LRCH1: variants seen among roughly 807,000 people sequenced by gnomAD.
LRCH1 encodes leucine-rich repeat and calponin homology domain-containing protein 1.
In LRCH1, 23 loss-of-function variants were observed where a neutral mutation model predicts 94.9. The ratio of observed to expected loss-of-function variants is 0.24; its 90% CI spans 0.17 to 0.34. The LOEUF is 0.34. Among genes scored for constraint, LRCH1 ranks in the 10% least tolerant of loss-of-function variants. The probability of loss-of-function intolerance (pLI) is 1.00; values close to 1 mark genes in which losing one functional copy is unlikely to be tolerated. For synonymous variants in LRCH1, 364 were observed against 354.9 expected, an observed-to-expected ratio of 1.03 and a Z score of -0.29; for missense variants, 790 against 945.9, an observed-to-expected ratio of 0.84 and a Z score of 2.16.
At chr13:46,651,390 G>A (rs1224656474) in intron 2 of LRCH1, among the ~76,000 whole-genome samples, 10 of 152,202 alleles carry the variant, frequency 6.6e-5, no homozygotes, top group Admixed American at 4.6e-4. Flanking sequence ...CTGGCCGGGT[G>A]TGGTGGCTCA....
downstream of LRCH1, among the ~76,000 whole-genome samples, chr13:46,745,921 T>C (rs1289026180): frequency 6.6e-6 from 1 of 152,170 alleles, no homozygotes; most frequent in Non-Finnish European, 1.5e-5. Context: ...CAAGATGAGC[T>C]GAGTGGCAGA....
chr13:46,696,502 G>A (rs1335250399), intron 9 of LRCH1, among the ~76,000 whole-genome samples: 2 of 152,134 alleles, frequency 1.3e-5, no homozygotes, highest in Non-Finnish European at 2.9e-5. Context: ...AGAATAAAGC[G>A]TATTGTTTCA....
At chr13:46,587,727 G>A (rs997998321) in intron 1 of LRCH1, among the ~76,000 whole-genome samples, 2 of 152,148 alleles carry the variant, frequency 1.3e-5, no homozygotes, top group Non-Finnish European at 2.9e-5. Context: ...CCCTGGTCTG[G>A]TTTTGTTGGT....
At chr13:46,680,775 G>A (rs1010624157) in intron 3 of LRCH1, among the ~76,000 whole-genome samples, 3 of 152,190 alleles carry the variant, frequency 2.0e-5, no homozygotes, top group Non-Finnish European at 4.4e-5. Flanking sequence ...TAGTTGTTGA[G>A]GAGCCTCTGC....
intron 9 of LRCH1, among the ~76,000 whole-genome samples, chr13:46,696,186 G>A (rs1871170229): frequency 7.0e-6 from 1 of 142,834 alleles, no homozygotes; most frequent in Non-Finnish European, 1.5e-5. Context: ...GTGCATGCAT[G>A]CATGTGTGTA....
chr13:46,739,644 T>C (rs1411893073), intron 19 of LRCH1, among the ~76,000 whole-genome samples: 1 of 152,118 alleles, frequency 6.6e-6, no homozygotes, highest in Non-Finnish European at 1.5e-5. Context: ...CAGAGAGCAG[T>C]TCTCAGATGG....
chr13:46,711,882 C>A, intron 14 of LRCH1, 38 bp downstream of exon 14: 7 of 1,457,688 alleles, frequency 4.8e-6, no homozygotes, highest in Non-Finnish European at 6.7e-6. Context: ...TGAGGTGTTT[C>A]TTGATGGCTG....
chr13:46,663,028 G>A (rs1170497113), intron 2 of LRCH1, among the ~76,000 whole-genome samples: 1 of 152,178 alleles, frequency 6.6e-6, no homozygotes, highest in Non-Finnish European at 1.5e-5. Flanking sequence ...CAATTCAAAT[G>A]ATGATTCTGT....
chr13:46,717,246 C>T (rs1872367666), intron 16 of LRCH1, among the ~76,000 whole-genome samples: 2 of 152,136 alleles, frequency 1.3e-5, no homozygotes, highest in Admixed American at 1.3e-4. Context: ...TACATTCAGG[C>T]TGCTTTCATT....
chr13:46,682,820 T>C (rs1188754692), intron 4 of LRCH1, among the ~76,000 whole-genome samples: 3 of 152,214 alleles, frequency 2.0e-5, no homozygotes, highest in Non-Finnish European at 2.9e-5. Context: ...TGGGCTTCCA[T>C]AGCATGTCTG....
At chr13:46,622,468 C>A (rs1182031904) in intron 1 of LRCH1, among the ~76,000 whole-genome samples, 1 of 152,132 alleles carries the variant, frequency 6.6e-6, no homozygotes, top group Non-Finnish European at 1.5e-5. Context: ...CAGTGCAAAT[C>A]CTGACACTGT....
At chr13:46,690,893 G>A (rs923420076) in intron 7 of LRCH1, among the ~76,000 whole-genome samples, 6 of 152,174 alleles carry the variant, frequency 3.9e-5, no homozygotes, top group African/African-American at 1.4e-4. Context: ...ACATTGTGGG[G>A]TTCAGGGATC....
At chr13:46,629,325 C>G (rs2050990964) in intron 1 of LRCH1, among the ~76,000 whole-genome samples, 1 of 152,144 alleles carries the variant, frequency 6.6e-6, no homozygotes, top group African/African-American at 2.4e-5. Flanking sequence ...TTTTAAATCT[C>G]ACCTGTTATT....
intron 11 of LRCH1, among the ~76,000 whole-genome samples, chr13:46,704,688 A>G (rs931994515): frequency 3.3e-5 from 5 of 152,090 alleles, no homozygotes; most frequent in Middle Eastern, 3.2e-3. Flanking sequence ...TCTCCCTATT[A>G]AAACCAAATG....
intron 17 of LRCH1, among the ~76,000 whole-genome samples, chr13:46,726,506 A>G (rs950754783): frequency 1.3e-5 from 2 of 152,186 alleles, no homozygotes; most frequent in African/African-American, 4.8e-5. Flanking sequence ...AAAGTTTTAG[A>G]CCATAAATGT....
intron 1 of LRCH1, among the ~76,000 whole-genome samples, chr13:46,572,356 C>T (rs2050250188): frequency 6.6e-6 from 1 of 152,234 alleles, no homozygotes; most frequent in Non-Finnish European, 1.5e-5. Context: ...CTGAGACTTA[C>T]TGCAACACTA....
At chr13:46,685,209 C>A (rs1359012020) in intron 4 of LRCH1, among the ~76,000 whole-genome samples, 2 of 152,136 alleles carry the variant, frequency 1.3e-5, no homozygotes, top group African/African-American at 4.8e-5. Context: ...ATATATTTGA[C>A]TTTATTCCTA....
At chr13:46,665,860 G>C (rs1445828518) in intron 2 of LRCH1, among the ~76,000 whole-genome samples, 4 of 152,220 alleles carry the variant, frequency 2.6e-5, no homozygotes, top group Admixed American at 2.6e-4. Flanking sequence ...TGCCAGAAGA[G>C]TGGTTTCAAA....
chr13:46,674,433 T>C (rs2051643955), intron 3 of LRCH1, among the ~76,000 whole-genome samples: 1 of 152,234 alleles, frequency 6.6e-6, no homozygotes, highest in Non-Finnish European at 1.5e-5. Flanking sequence ...AGCCAGGTTG[T>C]ATTTCCACAT....
Sources: gnomAD v4.1 joint callset for allele counts (sites outside exome capture counted in the v4.1 genomes callset) on GRCh38, gnomAD v4.1.1 for gene constraint, MANE v1.5 for transcripts, NCBI Gene and HGNC (gene_info 2026-07-23, HGNC 2026-07-21) for gene names.